Variants in FOXJ3 observed in about 807,000 individuals in gnomAD.
The protein encoded by FOXJ3 is forkhead box J3.
In FOXJ3, 22 loss-of-function variants were observed where a neutral mutation model predicts 76.1. The ratio of observed to expected loss-of-function variants is 0.29; its 90% confidence interval spans 0.21 to 0.41. The LOEUF (loss-of-function observed/expected upper bound fraction) is 0.41, where lower values mean the gene tolerates loss of function less well. Among genes scored for constraint, FOXJ3 ranks in the 10% least tolerant of loss-of-function variants. The probability of loss-of-function intolerance (pLI) is 1.00; values close to 1 mark genes in which losing one functional copy is unlikely to be tolerated. For synonymous variants in FOXJ3, 269 were observed against 261.2 expected, an observed-to-expected ratio of 1.03 and a Z score of -0.29; for missense variants, 613 against 762.1, an observed-to-expected ratio of 0.80 and a Z score of 2.30.
chr1:42,318,039 T>C (rs1655224805), intron 1 of FOXJ3, among the ~76,000 whole-genome samples: 1 of 152,162 alleles, frequency 6.6e-6, no homozygotes. Context: ...ATAAACCAGA[T>C]TCTTCAAAAA....
At chr1:42,216,290 G>A (rs1403439620) in intron 5 of FOXJ3, among the ~76,000 whole-genome samples, 5 of 151,914 alleles carry the variant, frequency 3.3e-5, no homozygotes, top group East Asian at 3.9e-4. Context: ...AGGCCGAGGC[G>A]GGCGGATCAC....
intron 9 of FOXJ3, among the ~76,000 whole-genome samples, chr1:42,190,174 C>T (rs1305207605): frequency 6.6e-6 from 1 of 152,180 alleles, no homozygotes; most frequent in Non-Finnish European, 1.5e-5. Context: ...CAAGAGTTAC[C>T]TTCAATGAGA....
chr1:42,276,321 A>G (rs1373316549), intron 3 of FOXJ3, among the ~76,000 whole-genome samples: 1 of 151,670 alleles, frequency 6.6e-6, no homozygotes, highest in Non-Finnish European at 1.5e-5. Context: ...GTGCCCCTGC[A>G]CTCCAGCCTG....
At chr1:42,262,699 G>A (rs1651140809) in intron 4 of FOXJ3, among the ~76,000 whole-genome samples, 1 of 151,864 alleles carries the variant, frequency 6.6e-6, no homozygotes, top group Non-Finnish European at 1.5e-5. Flanking sequence ...AAATACAAAA[G>A]TTAGCCAGGC....
chr1:42,192,468 T>C (rs926151439), intron 8 of FOXJ3, among the ~76,000 whole-genome samples: 1 of 152,174 alleles, frequency 6.6e-6, no homozygotes, highest in African/African-American at 2.4e-5. Flanking sequence ...AAAGAAACTA[T>C]TATTTCTAAC....
At chr1:42,325,057 CAT>C (rs1358425657) in intron 1 of FOXJ3, among the ~76,000 whole-genome samples, 1 of 152,112 alleles carries the variant, frequency 6.6e-6, no homozygotes, top group Non-Finnish European at 1.5e-5. Flanking sequence ...TTATGTGGCA[CAT>C]GACTGTATAA....
chr1:42,182,263 G>A (rs186025388), intron 11 of FOXJ3, among the ~76,000 whole-genome samples: 3 of 152,300 alleles, frequency 2.0e-5, no homozygotes, highest in East Asian at 3.8e-4. Flanking sequence ...CTAACTGTAC[G>A]CTGGTAGGCA....
chr1:42,290,646 T>C (rs1218168618), intron 2 of FOXJ3, among the ~76,000 whole-genome samples: 1 of 152,154 alleles, frequency 6.6e-6, no homozygotes, highest in Non-Finnish European at 1.5e-5. Flanking sequence ...ATTTTTTATT[T>C]CTTGCCATCA....
At chr1:42,196,391 T>G (rs1646651864) in intron 7 of FOXJ3, among the ~76,000 whole-genome samples, 2 of 152,170 alleles carry the variant, frequency 1.3e-5, no homozygotes, top group Admixed American at 1.3e-4. Flanking sequence ...GACACCTTGT[T>G]GTTGAAAGAA....
At chr1:42,310,086 A>G (rs1319792120) in intron 2 of FOXJ3, among the ~76,000 whole-genome samples, 4 of 152,200 alleles carry the variant, frequency 2.6e-5, no homozygotes, top group Non-Finnish European at 5.9e-5. Context: ...TTATTTAATA[A>G]TCTGCTACAA....
intron 5 of FOXJ3, among the ~76,000 whole-genome samples, chr1:42,225,642 T>C (rs1401212864): frequency 6.6e-6 from 1 of 152,184 alleles, no homozygotes; most frequent in South Asian, 2.1e-4. Flanking sequence ...CGAAAGGCCC[T>C]GGTATGTTTA....
intron 2 of FOXJ3, among the ~76,000 whole-genome samples, chr1:42,297,411 T>C (rs1031221562): frequency 1.3e-5 from 2 of 152,224 alleles, no homozygotes; most frequent in African/African-American, 4.8e-5. Context: ...AGGTTTGTCA[T>C]ATATAGCTAT....
At chr1:42,198,888 C>T (rs1291466948) in intron 7 of FOXJ3, among the ~76,000 whole-genome samples, 1 of 152,170 alleles carries the variant, frequency 6.6e-6, no homozygotes, top group African/African-American at 2.4e-5. Context: ...AATCTGTTAA[C>T]ACTGCACAAC....
chr1:42,263,685 T>C (rs984289155), intron 4 of FOXJ3, among the ~76,000 whole-genome samples: 5 of 152,122 alleles, frequency 3.3e-5, no homozygotes, highest in Non-Finnish European at 7.4e-5. Context: ...TCAGAAAAAC[T>C]GCCTAAAGAT....
chr1:42,301,270 G>A (rs570938791), intron 2 of FOXJ3, among the ~76,000 whole-genome samples: 35 of 151,710 alleles, frequency 2.3e-4, no homozygotes, highest in African/African-American at 1.5e-4. Context: ...ATCTTGGCTC[G>A]CCACAACCTC....
chr1:42,305,833 A>G (rs1001021213), intron 2 of FOXJ3, among the ~76,000 whole-genome samples: 1 of 152,186 alleles, frequency 6.6e-6, no homozygotes, highest in Non-Finnish European at 1.5e-5. Context: ...TAATAATTTA[A>G]TTGTACATTT....
At chr1:42,183,502 CAA>C (rs1425510709) in intron 11 of FOXJ3, among the ~76,000 whole-genome samples, 1 of 151,698 alleles carries the variant, frequency 6.6e-6, no homozygotes, top group African/African-American at 2.4e-5. Context: ...CATCACAATG[CAA>C]AAGAGAGAAC....
intron 1 of FOXJ3, among the ~76,000 whole-genome samples, chr1:42,329,922 A>G (rs1310326278): frequency 6.6e-6 from 1 of 152,226 alleles, no homozygotes; most frequent in African/African-American, 2.4e-5. Flanking sequence ...GTAGTGATTA[A>G]GAGCCACAGA....
chr1:42,228,549 C>CA (rs1320778621), intron 4 of FOXJ3, among the ~76,000 whole-genome samples: 1 of 119,136 alleles, frequency 8.4e-6, no homozygotes, highest in Non-Finnish European at 1.6e-5. Context: ...TCCAGGTACT[C>CA]AGAAACTGTG....
Sources: gnomAD v4.1 joint callset for allele counts (sites outside exome capture counted in the v4.1 genomes callset) on GRCh38, gnomAD v4.1.1 for gene constraint, MANE v1.5 for transcripts, NCBI Gene and HGNC (gene_info 2026-07-23, HGNC 2026-07-21) for gene names.